Variants in MYBPC2 observed in about 807,000 individuals in gnomAD.
The protein encoded by MYBPC2 is myosin-binding protein C, fast-type.
Under a neutral mutation model 137.0 loss-of-function variants are expected in MYBPC2, and 122 were observed. That is an observed-to-expected ratio of 0.89 (90% CI 0.77 to 1.03). MYBPC2 has a LOEUF of 1.03. Among genes scored for constraint, MYBPC2 ranks in the 50% least tolerant of loss-of-function variants. The probability of loss-of-function intolerance (pLI) is 0.00; values close to 1 mark genes in which losing one functional copy is unlikely to be tolerated. For missense variants in MYBPC2, 1,500 were observed against 1,534.4 expected, an observed-to-expected ratio of 0.98 and a Z score of 0.37; for synonymous variants, 626 against 612.3, an observed-to-expected ratio of 1.02 and a Z score of -0.33.
intron 13 of MYBPC2, among the ~76,000 whole-genome samples, chr19:50,448,873 T>G (rs1316311698): frequency 1.3e-5 from 2 of 151,366 alleles, no homozygotes; most frequent in African/African-American, 4.9e-5. Flanking sequence ...TAGCTGGGAC[T>G]ACAGGCATGC....
At chr19:50,439,846 C>T (rs183666339) in intron 7 of MYBPC2, among the ~76,000 whole-genome samples, 56 of 152,306 alleles carry the variant, frequency 3.7e-4, no homozygotes, top group Admixed American at 2.5e-3. Context: ...GCCCAGAGCA[C>T]GAGCAACTCA....
chr19:50,454,390 G>A (rs773618335), intron 18 of MYBPC2, 21 bp downstream of exon 18: 1 of 1,432,838 alleles, frequency 7.0e-7, no homozygotes, highest in South Asian at 1.3e-5. Flanking sequence ...CTGTCCTCAT[G>A]ACCTCTGACC....
At chr19:50,446,282 G>A (rs916489238) in intron 12 of MYBPC2, among the ~76,000 whole-genome samples, 7 of 152,138 alleles carry the variant, frequency 4.6e-5, no homozygotes, top group African/African-American at 7.2e-5. Flanking sequence ...AGGCCGAGGC[G>A]GGTGGATCAC....
Position 50,464,478 on chromosome 19 carries a change from C to G in MYBPC2, c.3361C>G (p.Arg1121Gly). 6.2e-7 allele frequency: 1 copy of G among 1,613,020 alleles called. No individual in the cohort carries two copies. Among genetic ancestry groups the G allele is most frequent in the Non-Finnish European group, 8.5e-7 (1 of 1,179,642 alleles). The change falls in exon 27 of 28, where the codon CGG becomes GGG. Residue 1121 changes from arginine (R) to glycine (G), a missense_variant. Arg to Gly is a moderately radical substitution (Grantham distance 125, BLOSUM62 -2). Transcript: ENST00000357701. Reference protein sequence around the residue: ...SPFDAGTYTCRAVNELGEALA... With the variant: ...SPFDAGTYTCGAVNELGEALA... ...CTTCGACGCTGGGACTTACACCTGC[C>G]GGGCCGTCAACGAGCTGGGCGAGGC...
rs570776986 is a variant in MYBPC2 at position 50,451,664 on chromosome 19, G to T, written c.1610-200G>T. 2.7e-4 allele frequency among the ~76,000 whole-genome samples: 40 copies of T among 147,148 alleles called. No homozygotes were observed. The South Asian group carries it at 8.1e-3, about 30-fold the overall frequency. ...GATCCCTGGGTATGAGGGAGGAGGG[G>T]CTGGGGGCCTAGACTGTAGGGTCTG... On this transcript the variant is annotated intron_variant, in intron 15 of 27. Transcript: ENST00000357701.
In MYBPC2 at chr19:50,463,938, C is replaced by CA. The variant is rs5828433; in HGVS notation, c.3229-392dup. 1.2e-3 allele frequency among the ~76,000 whole-genome samples: 152 copies of CA among 131,104 alleles called. 1 individual carries two copies. The highest frequency in any genetic ancestry group is 2.8e-3 in the Admixed American group (37 of 13,188). 86.0% of individuals were successfully genotyped at this position (131,104 alleles called of 152,430 possible). A position where few individuals can be genotyped will look rare whatever the true frequency, so the allele number is the denominator to read the frequency against. On this transcript the variant is annotated intron_variant, in intron 26 of 27. Coordinates refer to ENST00000357701, the MANE Select transcript of MYBPC2 (RefSeq NM_004533.4). Reference sequence around the variant, plus strand: ...TGGGAGACAAAGCGAGATTCTGTCTCAAAAAAAAAAAAAAAAGGGAAGGGC... The same window carrying CA: ...TGGGAGACAAAGCGAGATTCTGTCTCAAAAAAAAAAAAAAAAAGGGAAGGGC...
At position 50,459,185 on chromosome 19, in the gene MYBPC2, C is replaced by T. The variant is rs1212585046; in HGVS notation, c.2670C>T (p.Thr890=). 1.2e-6 allele frequency: 2 copies of T among 1,608,568 alleles called. No homozygotes were observed. The highest frequency in any genetic ancestry group is 1.7e-6 in the Non-Finnish European group (2 of 1,178,802). ...PLDTSRVHVR[T]SDFDTVFFVR... ...ACACCTCCCGCGTGCACGTGCGGAC[C>T]AGCGACTTCGACACCGTGTTCTTCG... The change falls in exon 23 of 28, where the codon ACC becomes ACT. Residue 890 remains threonine, a synonymous_variant. Transcript: ENST00000357701.
chr19:50,442,120 G>A, intron 8 of MYBPC2, 61 bp from the exon 9 acceptor site: 1 of 1,538,606 alleles, frequency 6.5e-7, no homozygotes, highest in Non-Finnish European at 8.8e-7. Flanking sequence ...GGTGCCTCTG[G>A]GGATGACCAG....
chr19:50,442,195 C>G lies in MYBPC2; in HGVS notation c.784C>G (p.Leu262Val). 6.3e-7 allele frequency: 1 copy of G among 1,594,842 alleles called. No homozygotes were observed. The highest frequency in any genetic ancestry group is 8.5e-7 in the Non-Finnish European group (1 of 1,170,752). Residue 262 changes from leucine to valine, a missense_variant, in exon 9 of 28, where the codon CTG becomes GTG. By Grantham distance (32) the Leu-to-Val change is conservative (BLOSUM62 1). Coordinates refer to ENST00000357701, the MANE Select transcript of MYBPC2 (RefSeq NM_004533.4). ...VKKSAAFTKK[L>V]DPAYQVDRGN... Reference sequence around the variant, plus strand: ...TCAATCTTCAGCATTCACAAAGAAGCTGGATCCAGCCTACCAAGTGGACAG... The same window carrying G: ...TCAATCTTCAGCATTCACAAAGAAGGTGGATCCAGCCTACCAAGTGGACAG...
chr19:50,446,594 C>T (rs1221248408), intron 12 of MYBPC2, among the ~76,000 whole-genome samples: 1 of 147,518 alleles, frequency 6.8e-6, no homozygotes, highest in Non-Finnish European at 1.5e-5. Context: ...CCAAGGTGGG[C>T]GGATCACTTG....
chr19:50,435,775 G>A lies in MYBPC2; in HGVS notation c.110-1G>A. On this transcript the variant is annotated splice_acceptor_variant, in intron 2 of 27. Transcript: ENST00000357701. LOFTEE classifies it high-confidence loss of function. This position sits in a 1 kb window ranked among gnomAD's most constrained non-coding sequence, Gnocchi z 4.8. ...TCATCCTAATCCTGTCCCCTGAACA[G>A]AAGCCCCACCCGAGGACCAGTCCCC... 2 of 1,607,228 alleles carry A rather than the reference G, an allele frequency of 1.2e-6. No homozygotes were observed. The highest frequency in any genetic ancestry group is 1.1e-5 in the South Asian group (1 of 90,416).
intron 1 of MYBPC2, among the ~76,000 whole-genome samples, chr19:50,434,563 G>A (rs2039684747): frequency 6.6e-6 from 1 of 152,176 alleles, no homozygotes; most frequent in South Asian, 2.1e-4. Context: ...CAGGGAATGG[G>A]GTCCTTTTTG....
intron 8 of MYBPC2, 68 bp from the exon 9 acceptor site, chr19:50,442,113 G>T: frequency 1.1e-5 from 16 of 1,519,810 alleles, no homozygotes; most frequent in Non-Finnish European, 1.4e-5. Flanking sequence ...GAGATGTGGT[G>T]CCTCTGGGGA....
Position 50,461,523 on chromosome 19 carries a change from C to T in MYBPC2, c.2932-19C>T. On this transcript the variant is annotated intron_variant, in intron 24 of 27. Coordinates refer to ENST00000357701, the MANE Select transcript of MYBPC2 (RefSeq NM_004533.4). ...CCTGTGGCCCCGACCCGCCTGGTCC[C>T]TCCCTGTCCCCACACTAGGAGTGGT... 1 of 1,611,216 alleles carries T rather than the reference C, an allele frequency of 6.2e-7. No homozygotes were observed. The highest frequency in any genetic ancestry group is 8.5e-7 in the Non-Finnish European group (1 of 1,178,468).
rs182511622 is a variant in MYBPC2, at chr19:50,433,314, A to G, written c.19+342A>G. Among the ~76,000 whole-genome samples, 6 of 151,168 alleles carry G rather than the reference A, an allele frequency of 4.0e-5. No homozygotes were observed. The East Asian group carries it at 1.2e-3, about 29-fold the overall frequency. On this transcript the variant is annotated intron_variant, in intron 1 of 27. Coordinates refer to ENST00000357701, the MANE Select transcript of MYBPC2 (RefSeq NM_004533.4). ...GGGGGGCATCTCTGGTGGAGATGGG[A>G]TTCTCTGGTTGTAAATTGGGTTCCT...
chr19:50,445,231 G>A (rs1454389602), intron 11 of MYBPC2, among the ~76,000 whole-genome samples: 1 of 152,082 alleles, frequency 6.6e-6, no homozygotes, highest in Non-Finnish European at 1.5e-5. Context: ...ACCACTGACA[G>A]AGGCCACAAC....
intron 19 of MYBPC2, 32 bp from the exon 20 acceptor site, chr19:50,455,478 C>G: frequency 6.2e-7 from 1 of 1,600,626 alleles, no homozygotes; most frequent in Non-Finnish European, 8.5e-7. Flanking sequence ...CCCCTCATTC[C>G]CCCCATATCC....
intron 20 of MYBPC2, among the ~76,000 whole-genome samples, chr19:50,455,996 C>A (rs937328804): frequency 6.6e-6 from 1 of 152,160 alleles, no homozygotes; most frequent in Non-Finnish European, 1.5e-5. Flanking sequence ...ATCCACCCAT[C>A]CATCCATCTG....
At chr19:50,440,857 C>T in intron 7 of MYBPC2, 23 bp from the exon 8 acceptor site, 21 of 1,602,906 alleles carry the variant, frequency 1.3e-5, no homozygotes, top group Non-Finnish European at 1.8e-5. Context: ...CTGATGGCCC[C>T]TGTCCGTTCC....
Sources: gnomAD v4.1 joint callset for allele counts (sites outside exome capture counted in the v4.1 genomes callset) on GRCh38, gnomAD v4.1.1 for gene constraint, Gnocchi (gnomAD v3.1) non-coding constraint, MANE v1.5 for transcripts, NCBI Gene and HGNC (gene_info 2026-07-23, HGNC 2026-07-21) for gene names.